BARX2: variants seen among roughly 807,000 people sequenced by gnomAD.
BARX2 encodes the protein homeobox protein BarH-like 2.
In BARX2, 11 loss-of-function variants were observed where a neutral mutation model predicts 25.5. That is an observed-to-expected ratio of 0.43 (90% confidence interval 0.27 to 0.71). The LOEUF (loss-of-function observed/expected upper bound fraction) is 0.71. Ranked by LOEUF, BARX2 falls within the 30% of genes least tolerant of loss-of-function variation. The pLI, the probability that BARX2 is intolerant of heterozygous loss-of-function variation, is 0.19. For synonymous variants in BARX2, 137 were observed against 149.5 expected, an observed-to-expected ratio of 0.92 and a Z score of 0.61; for missense variants, 360 against 359.9, an observed-to-expected ratio of 1.00 and a Z score of 0.00.
At chr11:129,396,021 T>A (rs1378606648) in intron 1 of BARX2, among the ~76,000 whole-genome samples, 1 of 152,180 alleles carries the variant, frequency 6.6e-6, no homozygotes, top group Non-Finnish European at 1.5e-5. Flanking sequence ...TGCAAGAAGC[T>A]AGGGGTGTAA....
In BARX2 at chr11:129,385,986, A is replaced by C. The variant is rs1057184123; in HGVS notation, c.187+9764A>C. On this transcript the variant is annotated intron_variant, in intron 1 of 3. Transcript: ENST00000281437. The stretch of plus-strand genomic sequence containing the variant: ...AACTGAGAACACTTTATAACTAAAC[A>C]TATGTACAACTCACACTGAAACAAC... Among the ~76,000 whole-genome samples the C allele has an allele frequency of 6.6e-5, 10 of 152,374 alleles. No individual in the cohort carries two copies. The East Asian group carries it at 1.9e-3, about 29-fold the overall frequency.
intron 1 of BARX2, among the ~76,000 whole-genome samples, chr11:129,427,580 T>C (rs1862078696): frequency 2.0e-5 from 3 of 152,170 alleles, no homozygotes; most frequent in Non-Finnish European, 2.9e-5. Flanking sequence ...GAAATTCTTA[T>C]CCATTCAGAC....
intron 1 of BARX2, among the ~76,000 whole-genome samples, chr11:129,421,567 T>C (rs2860290): frequency 0.72 from 109,687 of 152,158 alleles, 39,946 homozygotes; most frequent in African/African-American, 0.83. Flanking sequence ...AGAAGTCATA[T>C]AACTGACTGC....
At position 129,436,446 on chromosome 11, in the gene BARX2, C is replaced by G. The variant is rs1192542663; in HGVS notation, c.188-305C>G. On this transcript the variant is annotated intron_variant, in intron 1 of 3. Coordinates refer to ENST00000281437, the MANE Select transcript of BARX2 (RefSeq NM_003658.5). The surrounding 1 kb of genome is among the most constrained non-coding windows in gnomAD (Gnocchi z 4.5). ...ACTACTTCTTTTCATCTGCCTGGTC[C>G]CATGGACCAAGAATTTAGGGATTCC... The G allele has an allele frequency of 5.6e-6, 2 of 357,650 alleles. No homozygotes were observed. Among genetic ancestry groups the G allele is most frequent in the African/African-American group, 4.2e-5 (2 of 47,874 alleles). The allele number at this position is 357,650 out of a possible 1,614,324, so 22.2% of individuals were successfully genotyped here.
chr11:129,421,374 C>T (rs1035745912), intron 1 of BARX2, among the ~76,000 whole-genome samples: 2 of 152,162 alleles, frequency 1.3e-5, no homozygotes, highest in African/African-American at 4.8e-5. Flanking sequence ...CCAACAAAAT[C>T]CTTCCATCAA....
At chr11:129,420,172 C>T (rs545459715) in intron 1 of BARX2, among the ~76,000 whole-genome samples, 1 of 148,176 alleles carries the variant, frequency 6.7e-6, no homozygotes, top group Non-Finnish European at 1.5e-5. Context: ...CTGTTCCTTT[C>T]CCCCCTCCTC....
chr11:129,435,968 C>G (rs1862183774), intron 1 of BARX2, among the ~76,000 whole-genome samples: 1 of 152,210 alleles, frequency 6.6e-6, no homozygotes, highest in South Asian at 2.1e-4. Context: ...TTTCCTCAGC[C>G]AAGCTCTGGC....
intron 1 of BARX2, among the ~76,000 whole-genome samples, chr11:129,418,316 C>G (rs1565516506): frequency 6.6e-6 from 1 of 152,132 alleles, no homozygotes. Context: ...AGTTCTCTGC[C>G]CACGGGTGTG....
intron 1 of BARX2, among the ~76,000 whole-genome samples, chr11:129,401,815 G>A (rs1215773601): frequency 1.3e-5 from 2 of 152,106 alleles, no homozygotes; most frequent in Non-Finnish European, 2.9e-5. Context: ...AATTAGCCAG[G>A]TGTGGTGGCA....
At chr11:129,386,291 T>G (rs117926601) in intron 1 of BARX2, among the ~76,000 whole-genome samples, 3,317 of 152,308 alleles carry the variant, frequency 0.022, 63 homozygotes, top group Non-Finnish European at 0.03. Context: ...GAGTATTTGT[T>G]GATATGACAA....
intron 1 of BARX2, among the ~76,000 whole-genome samples, chr11:129,433,368 G>C (rs1862150158): frequency 6.6e-6 from 1 of 152,102 alleles, no homozygotes; most frequent in South Asian, 2.1e-4. Flanking sequence ...CTCCCACCCT[G>C]GCCCCTGCAG....
intron 1 of BARX2, among the ~76,000 whole-genome samples, chr11:129,392,324 T>G (rs1349706996): frequency 6.6e-6 from 1 of 152,228 alleles, no homozygotes. Flanking sequence ...TACCAGCCAG[T>G]AGGCTGAAGA....
chr11:129,426,230 TC>T (rs1862061085), intron 1 of BARX2, among the ~76,000 whole-genome samples: 1 of 152,128 alleles, frequency 6.6e-6, no homozygotes, highest in South Asian at 2.1e-4. Flanking sequence ...TCCTCCTCTC[TC>T]CTAGGCTTAC....
intron 1 of BARX2, among the ~76,000 whole-genome samples, chr11:129,378,272 A>C (rs921938243): frequency 2.0e-5 from 3 of 152,138 alleles, no homozygotes; most frequent in Admixed American, 2.0e-4. Context: ...GTGGAATTAA[A>C]CCCATAAAAA....
In BARX2 at chr11:129,444,332, G is replaced by A. The variant is rs190531054; in HGVS notation, c.573+1413G>A. Among the ~76,000 whole-genome samples the A allele has an allele frequency of 7.2e-5, 11 of 152,210 alleles. No individual in the cohort carries two copies. In the East Asian group the frequency reaches 2.1e-3, roughly 29 times the overall value. Reference sequence around the variant, plus strand: ...TATATTCCCAAAAAAGAAATTCCTGGGCAAATCTTGTAATTTCCTCTGGGG... The same window carrying A: ...TATATTCCCAAAAAAGAAATTCCTGAGCAAATCTTGTAATTTCCTCTGGGG... On this transcript the variant is annotated intron_variant, in intron 3 of 3. Transcript: ENST00000281437.
intron 2 of BARX2, among the ~76,000 whole-genome samples, chr11:129,439,887 A>C (rs1419050792): frequency 6.6e-6 from 1 of 151,784 alleles, no homozygotes; most frequent in East Asian, 1.9e-4. Context: ...CTAACATATT[A>C]GGCTGATTTT....
intron 1 of BARX2, among the ~76,000 whole-genome samples, chr11:129,399,859 A>T (rs1206246216): frequency 1.3e-5 from 2 of 152,054 alleles, no homozygotes; most frequent in Non-Finnish European, 2.9e-5. Context: ...TGGTAAACTG[A>T]CCTGGCACAC....
intron 2 of BARX2, among the ~76,000 whole-genome samples, chr11:129,439,197 G>A (rs1465397587): frequency 2.0e-5 from 3 of 152,174 alleles, no homozygotes; most frequent in African/African-American, 7.2e-5. Context: ...GACCAGTTAG[G>A]AGAGAATCCA....
intron 1 of BARX2, among the ~76,000 whole-genome samples, chr11:129,407,244 C>A (rs1861840090): frequency 6.6e-6 from 1 of 152,154 alleles, no homozygotes; most frequent in Non-Finnish European, 1.5e-5. Flanking sequence ...CACATCAGAC[C>A]AAACTCCTAC....
Sources: gnomAD v4.1 joint callset for allele counts (sites outside exome capture counted in the v4.1 genomes callset) on GRCh38, gnomAD v4.1.1 for gene constraint, Gnocchi (gnomAD v3.1) non-coding constraint, MANE v1.5 for transcripts, NCBI Gene and HGNC (gene_info 2026-07-23, HGNC 2026-07-21) for gene names.